GNAT3: variants seen among roughly 807,000 people sequenced by gnomAD.
The protein encoded by GNAT3 is guanine nucleotide-binding protein G(t) subunit alpha-3.
In GNAT3, 31 loss-of-function variants were observed where a neutral mutation model predicts 37.7. The observed-to-expected ratio is 0.82, with a 90% CI of 0.62 to 1.11. GNAT3 has a LOEUF of 1.11. Among genes scored for constraint, GNAT3 ranks in the 50% most tolerant of loss-of-function variants. The probability of loss-of-function intolerance (pLI) is 0.00; values close to 1 mark genes in which losing one functional copy is unlikely to be tolerated. For synonymous variants in GNAT3, 138 were observed against 139.8 expected, an observed-to-expected ratio of 0.99 and a Z score of 0.09; for missense variants, 437 against 412.5, an observed-to-expected ratio of 1.06 and a Z score of -0.51.
At chr7:80,509,373 A>C (rs888482102) in intron 1 of GNAT3, among the ~76,000 whole-genome samples, 7 of 152,080 alleles carry the variant, frequency 4.6e-5, no homozygotes, top group African/African-American at 1.7e-4. Context: ...AATTTCATTT[A>C]TTTTGTATAA....
rs555702402 is a variant in GNAT3 at position 80,491,887 on chromosome 7, G to A, written c.161+2718C>T. 1.2e-4 allele frequency among the ~76,000 whole-genome samples: 19 copies of A among 152,204 alleles called. No individual in the cohort carries two copies. The South Asian group carries it at 3.9e-3, about 32-fold the overall frequency. ...GCTCTTTTTAAATAATAAAAGAAGTGCTCATTGTAGAAAATGTGAAAAGCC... is the reference window on the plus strand; with the variant it reads ...GCTCTTTTTAAATAATAAAAGAAGTACTCATTGTAGAAAATGTGAAAAGCC... On this transcript the variant is annotated intron_variant, in intron 2 of 7. Coordinates refer to ENST00000398291, the MANE Select transcript of GNAT3 (RefSeq NM_001102386.3).
chr7:80,466,881 A>G lies in GNAT3; in HGVS notation c.591-4250T>C, dbSNP rs143036362. On this transcript the variant is annotated intron_variant, in intron 5 of 7. Transcript: ENST00000398291. ...TCTCCTCTTCTGATAAATATGTACAACTGTGATAAGTAACAATTGCAGGAA... is the reference window on the plus strand; with the variant it reads ...TCTCCTCTTCTGATAAATATGTACAGCTGTGATAAGTAACAATTGCAGGAA... 6.3e-4 allele frequency among the ~76,000 whole-genome samples: 96 copies of G among 152,238 alleles called. No homozygotes were observed. In the East Asian group the frequency reaches 0.015, roughly 23 times the overall value.
intron 7 of GNAT3, among the ~76,000 whole-genome samples, chr7:80,461,564 T>A (rs1433967823): frequency 6.6e-6 from 1 of 150,880 alleles, no homozygotes; most frequent in Non-Finnish European, 1.5e-5. Flanking sequence ...TTATTACCAA[T>A]GGAATATCCA....
chr7:80,487,663 C>T (rs1174190533), intron 3 of GNAT3: 1 of 152,040 alleles, frequency 6.6e-6, no homozygotes. Flanking sequence ...TGCTTTTGCT[C>T]TCTATTTTTA....
At chr7:80,502,668 C>A (rs954595036) in intron 1 of GNAT3, among the ~76,000 whole-genome samples, 4 of 151,826 alleles carry the variant, frequency 2.6e-5, no homozygotes, top group African/African-American at 7.3e-5. Context: ...AATTTTCAGA[C>A]CCATATGTTG....
At chr7:80,469,698 G>C (rs1246175033) in intron 5 of GNAT3, among the ~76,000 whole-genome samples, 2 of 152,008 alleles carry the variant, frequency 1.3e-5, no homozygotes, top group African/African-American at 4.8e-5. Flanking sequence ...TATGCTATGT[G>C]AATACAAATC....
At chr7:80,465,083 A>G (rs1329579191) in intron 5 of GNAT3, among the ~76,000 whole-genome samples, 1 of 152,158 alleles carries the variant, frequency 6.6e-6, no homozygotes, top group Non-Finnish European at 1.5e-5. Context: ...TTAAAAATTA[A>G]ACAACATTCT....
chr7:80,497,839 G>C (rs558286823), intron 1 of GNAT3, among the ~76,000 whole-genome samples: 1 of 151,760 alleles, frequency 6.6e-6, no homozygotes, highest in African/African-American at 2.4e-5. Context: ...TCTCATTTCT[G>C]AATGTCAGTT....
At chr7:80,485,531 T>C (rs1790463399) in intron 3 of GNAT3, among the ~76,000 whole-genome samples, 1 of 152,138 alleles carries the variant, frequency 6.6e-6, no homozygotes, top group Non-Finnish European at 1.5e-5. Flanking sequence ...CTTTTTGAAA[T>C]AGCATATTTG....
chr7:80,489,897 T>C (rs1050812577), intron 2 of GNAT3, among the ~76,000 whole-genome samples: 11 of 152,158 alleles, frequency 7.2e-5, no homozygotes, highest in African/African-American at 2.7e-4. Context: ...ACTTAGGTTA[T>C]CTTCATGAAA....
intron 1 of GNAT3, among the ~76,000 whole-genome samples, chr7:80,501,027 G>T (rs999643492): frequency 1.3e-5 from 2 of 151,956 alleles, no homozygotes; most frequent in Non-Finnish European, 2.9e-5. Flanking sequence ...TGTCAAAGTT[G>T]TCAAATAATA....
chr7:80,489,449 T>G (rs946444248), intron 2 of GNAT3, among the ~76,000 whole-genome samples: 1 of 152,142 alleles, frequency 6.6e-6, no homozygotes, highest in African/African-American at 2.4e-5. Context: ...TGAAGTCCTT[T>G]GTATTCATTA....
At chr7:80,497,623 T>C (rs570104462) in intron 1 of GNAT3, among the ~76,000 whole-genome samples, 39 of 115,334 alleles carry the variant, frequency 3.4e-4, no homozygotes, top group Admixed American at 8.6e-4. Flanking sequence ...TACATATACG[T>C]ATATACATAT....
rs1378090030 is a variant in GNAT3, at chr7:80,462,518, A to G, written c.704T>C (p.Val235Ala). The change falls in exon 6 of 8, where the codon GTG becomes GCG. Residue 235 changes from valine to alanine, a missense_variant. Physicochemically the swap from Val to Ala is moderately conservative, Grantham distance 64 (BLOSUM62 0). Coordinates refer to ENST00000398291, the MANE Select transcript of GNAT3 (RefSeq NM_001102386.3). ...TAGACTTACCACTTCTTCGTCTTCC[A>G]CGAGGACCATGTCATAGGCACTAAG... ...AALSAYDMVL[V>A]EDEEVNRMHE... The G allele has an allele frequency of 6.2e-7, 1 of 1,613,544 alleles. No individual in the cohort carries two copies. The highest frequency in any genetic ancestry group is 8.5e-7 in the Non-Finnish European group (1 of 1,179,738).
chr7:80,464,657 A>G (rs779201589), intron 5 of GNAT3, among the ~76,000 whole-genome samples: 9 of 152,136 alleles, frequency 5.9e-5, no homozygotes, highest in Non-Finnish European at 1.2e-4. Context: ...CAAGGTATTA[A>G]GTACCAAAAA....
chr7:80,477,350 T>C (rs1252845872), intron 4 of GNAT3, among the ~76,000 whole-genome samples: 1 of 152,130 alleles, frequency 6.6e-6, no homozygotes, highest in Non-Finnish European at 1.5e-5. Flanking sequence ...TACCAATGAA[T>C]AGTTTAGAAA....
At chr7:80,460,596 T>TA (rs1399530232) in intron 7 of GNAT3, among the ~76,000 whole-genome samples, 1 of 151,738 alleles carries the variant, frequency 6.6e-6, no homozygotes, top group Non-Finnish European at 1.5e-5. Context: ...AAAAGTACAA[T>TA]AATTAGCCGG....
chr7:80,508,644 A>C (rs892694625), intron 1 of GNAT3, among the ~76,000 whole-genome samples: 1 of 152,024 alleles, frequency 6.6e-6, no homozygotes, highest in Non-Finnish European at 1.5e-5. Flanking sequence ...TTTTTGCTAA[A>C]ATAAAACACA....
chr7:80,463,936 A>G (rs545165853), intron 5 of GNAT3, among the ~76,000 whole-genome samples: 1 of 151,506 alleles, frequency 6.6e-6, no homozygotes, highest in Non-Finnish European at 1.5e-5. Flanking sequence ...TTTTGGGAAC[A>G]TAAAGAATAA....
Sources: gnomAD v4.1 joint callset for allele counts (sites outside exome capture counted in the v4.1 genomes callset) on GRCh38, gnomAD v4.1.1 for gene constraint, MANE v1.5 for transcripts, NCBI Gene and HGNC (gene_info 2026-07-23, HGNC 2026-07-21) for gene names.